Variants in SHISA9 observed in about 807,000 individuals in gnomAD.
SHISA9 encodes the protein protein shisa-9.
In SHISA9, 13 loss-of-function variants were observed where a neutral mutation model predicts 38.0. That is an observed-to-expected ratio of 0.34 (90% CI 0.22 to 0.54). The LOEUF (loss-of-function observed/expected upper bound fraction) is 0.54. Ranked by LOEUF, SHISA9 falls within the 20% of genes least tolerant of loss-of-function variation. SHISA9 has a pLI of 0.91. For missense variants in SHISA9, 538 were observed against 575.8 expected, an observed-to-expected ratio of 0.93 and a Z score of 0.67; for synonymous variants, 275 against 242.0, an observed-to-expected ratio of 1.14 and a Z score of -1.27.
the SHISA9 span, among the ~76,000 whole-genome samples, chr16:13,355,561 G>C: frequency 3.3e-5 from 5 of 152,096 alleles, no homozygotes; most frequent in Non-Finnish European, 7.4e-5. Context: ...TGGGCAGGTG[G>C]GGATAACTGA....
the SHISA9 span, among the ~76,000 whole-genome samples, chr16:13,469,360 AAAGAAAAAGAAAGAAAGAAAGAAAGAAAG>A: frequency 9.0e-5 from 4 of 44,496 alleles, no homozygotes; most frequent in South Asian, 2.3e-3. Context: ...GAAAGAAAGA[AAAGAAAAAGAAAGAAAGAAAGAAAGAAAG>A]AAAGAAAGAA....
chr16:13,427,702 G>C, the SHISA9 span, among the ~76,000 whole-genome samples: 1 of 152,070 alleles, frequency 6.6e-6, no homozygotes, highest in Non-Finnish European at 1.5e-5. Flanking sequence ...AAAGAGATGA[G>C]TAGAGACAGA....
the SHISA9 span, among the ~76,000 whole-genome samples, chr16:13,366,607 C>G: frequency 6.6e-6 from 1 of 152,006 alleles, no homozygotes; most frequent in African/African-American, 2.4e-5. Flanking sequence ...CTTTGGGAGG[C>G]TGAAGCAAGA....
intron 2 of SHISA9, among the ~76,000 whole-genome samples, chr16:13,183,984 A>G (rs1168956168): frequency 6.6e-6 from 1 of 152,018 alleles, no homozygotes; most frequent in Non-Finnish European, 1.5e-5. Flanking sequence ...GCAGTTTCTT[A>G]TCCACACTCT....
chr16:13,398,405 A>G, the SHISA9 span, among the ~76,000 whole-genome samples: 4 of 152,102 alleles, frequency 2.6e-5, no homozygotes, highest in Admixed American at 6.5e-5. Context: ...GATGTTGTTC[A>G]AGGGTCAGCT....
the SHISA9 span, among the ~76,000 whole-genome samples, chr16:13,310,486 C>T: frequency 6.9e-3 from 1,055 of 152,166 alleles, 8 homozygotes; most frequent in Non-Finnish European, 0.012. Context: ...TTGATTTTTA[C>T]GTTATCATTC....
At chr16:13,351,433 G>A in the SHISA9 span, among the ~76,000 whole-genome samples, 1 of 152,278 alleles carries the variant, frequency 6.6e-6, no homozygotes, top group African/African-American at 2.4e-5. Context: ...ACTATGAATA[G>A]CAGAAGGATG....
the SHISA9 span, among the ~76,000 whole-genome samples, chr16:13,283,751 G>A: frequency 2.0e-5 from 3 of 151,960 alleles, no homozygotes; most frequent in African/African-American, 2.4e-5. Context: ...ATTCTAAAAT[G>A]AGGACATTCT....
At chr16:13,039,372 T>G (rs904357026) in intron 2 of SHISA9, among the ~76,000 whole-genome samples, 7 of 152,130 alleles carry the variant, frequency 4.6e-5, no homozygotes, top group African/African-American at 1.7e-4. Flanking sequence ...CTAAGTGACT[T>G]GTACAAGGTA....
the SHISA9 span, among the ~76,000 whole-genome samples, chr16:13,502,225 T>C: frequency 7.4e-6 from 1 of 135,300 alleles, no homozygotes; most frequent in African/African-American, 2.6e-5. Context: ...AAGCAAGCAT[T>C]TGGAGAAAAA....
At chr16:12,981,736 G>A (rs151034606) in intron 2 of SHISA9, among the ~76,000 whole-genome samples, 1 of 152,066 alleles carries the variant, frequency 6.6e-6, no homozygotes, top group African/African-American at 2.4e-5. Context: ...TCGGAGACAG[G>A]GTCTTTAACG....
chr16:13,187,533 C>G (rs2050839126), intron 2 of SHISA9, among the ~76,000 whole-genome samples: 2 of 151,742 alleles, frequency 1.3e-5, no homozygotes, highest in Admixed American at 1.3e-4. Context: ...TGAGGTTTCC[C>G]CATGTTGGCC....
chr16:12,990,901 G>A (rs2072376316), intron 2 of SHISA9, among the ~76,000 whole-genome samples: 1 of 152,184 alleles, frequency 6.6e-6, no homozygotes, highest in African/African-American at 2.4e-5. Context: ...TTGATTGCTA[G>A]AAGGGGAATT....
At chr16:13,537,326 G>A in the SHISA9 span, among the ~76,000 whole-genome samples, 5 of 151,886 alleles carry the variant, frequency 3.3e-5, no homozygotes, top group African/African-American at 1.2e-4. Context: ...TACTCAGAAG[G>A]CTGAGGCAGA....
chr16:13,251,136 C>A, the SHISA9 span, among the ~76,000 whole-genome samples: 1 of 152,134 alleles, frequency 6.6e-6, no homozygotes, highest in East Asian at 1.9e-4. Flanking sequence ...GATGGAAAAG[C>A]TCTGAGAGGC....
the SHISA9 span, among the ~76,000 whole-genome samples, chr16:13,264,967 G>GT: frequency 8.0e-6 from 1 of 125,472 alleles, no homozygotes; most frequent in Non-Finnish European, 1.6e-5. Context: ...CCCTTCCCCT[G>GT]TTTTTCCCCT....
chr16:13,482,816 A>AAG, the SHISA9 span, among the ~76,000 whole-genome samples: 48 of 148,986 alleles, frequency 3.2e-4, no homozygotes, highest in African/African-American at 9.4e-4. Flanking sequence ...AAAAAAAAAA[A>AAG]AGAGAGAGAG....
At chr16:13,379,803 C>T in the SHISA9 span, among the ~76,000 whole-genome samples, 16 of 152,018 alleles carry the variant, frequency 1.1e-4, no homozygotes, top group African/African-American at 3.9e-4. Context: ...TTATGTGGTT[C>T]TGGGGATTAA....
At chr16:13,174,610 A>G (rs150078) in intron 2 of SHISA9, among the ~76,000 whole-genome samples, 34,853 of 152,156 alleles carry the variant, frequency 0.23, 4,195 homozygotes, top group Middle Eastern at 0.28. Flanking sequence ...CTGGGGATGG[A>G]GGGATGAGGT....
Sources: gnomAD v4.1 joint callset for allele counts (sites outside exome capture counted in the v4.1 genomes callset) on GRCh38, gnomAD v4.1.1 for gene constraint, MANE v1.5 for transcripts, NCBI Gene and HGNC (gene_info 2026-07-23, HGNC 2026-07-21) for gene names.